Variants in RAB40B observed in about 807,000 individuals in gnomAD.
The protein encoded by RAB40B is ras-related protein Rab-40B.
In RAB40B, 21 loss-of-function variants were observed where a neutral mutation model predicts 24.0. The observed-to-expected ratio is 0.88, with a 90% confidence interval of 0.62 to 1.26. RAB40B has a LOEUF of 1.26. Among genes scored for constraint, RAB40B ranks in the 50% most tolerant of loss-of-function variants. The pLI is 0.00. For synonymous variants in RAB40B, 167 were observed against 169.8 expected, an observed-to-expected ratio of 0.98 and a Z score of 0.13; for missense variants, 348 against 390.5, an observed-to-expected ratio of 0.89 and a Z score of 0.92.
Position 82,663,377 on chromosome 17 carries a change from G to C in RAB40B, c.203+1119C>G, listed in dbSNP as rs62079743. On this transcript the variant is annotated intron_variant, in intron 2 of 5. Transcript: ENST00000571995. The surrounding 1 kb of genome is among the most constrained non-coding windows in gnomAD (Gnocchi z 6.2). ...ACCCAGGAGTGGCAGCAGTGCAGGA[G>C]GGATGCCCAAGAGGGAGGCAGCCCC... 0.032 allele frequency among the ~76,000 whole-genome samples: 4,826 copies of C among 152,206 alleles called. 91 individuals carry two copies. The highest frequency in any genetic ancestry group is 0.048 in the Middle Eastern group (14 of 294).
At chr17:82,693,781 C>T (rs1184291470) in intron 1 of RAB40B, among the ~76,000 whole-genome samples, 2 of 152,044 alleles carry the variant, frequency 1.3e-5, no homozygotes, top group African/African-American at 2.4e-5. Context: ...GCCAGAGACA[C>T]AGTCACAGAA....
chr17:82,662,349 G>A, intron 2 of RAB40B: 1 of 985,504 alleles, frequency 1.0e-6, no homozygotes, highest in South Asian at 4.7e-5. Context: ...CAGCGGGCCA[G>A]GTCAATCTGC....
At chr17:82,678,297 C>T (rs2046414711) in intron 1 of RAB40B, among the ~76,000 whole-genome samples, 1 of 152,166 alleles carries the variant, frequency 6.6e-6, no homozygotes, top group South Asian at 2.1e-4. Flanking sequence ...AGCTGATTAA[C>T]TTACCATGTA....
chr17:82,664,522 G>T lies in RAB40B; in HGVS notation c.177C>A (p.Asp59Glu), dbSNP rs137963946. ...IDYKTTTILLDGRRVKLQLWD... is the reference protein window; with the variant it reads ...IDYKTTTILLEGRRVKLQLWD... ...AGAGCTGCAGCTTCACCCGCCGCCC[G>T]TCCAGCAGGATGGTGGTCGTCTTGT... The change falls in exon 2 of 6, where the codon GAC becomes GAA. Residue 59 changes from aspartate (D) to glutamate (E), a missense_variant. Coordinates refer to ENST00000571995, the MANE Select transcript of RAB40B (RefSeq NM_006822.3). The T allele has an allele frequency of 6.2e-7, 1 of 1,613,544 alleles. No individual in the cohort carries two copies. The highest frequency in any genetic ancestry group is 1.7e-5 in the Admixed American group (1 of 59,996).
intron 1 of RAB40B, among the ~76,000 whole-genome samples, chr17:82,677,098 G>A (rs531740157): frequency 4.6e-5 from 7 of 151,586 alleles, no homozygotes; most frequent in East Asian, 3.9e-4. Context: ...ACAGGCGCCC[G>A]CCACCACGCC....
rs2046116626 is a variant in RAB40B, at chr17:82,658,533, G to A, written c.523C>T (p.Leu175=). 2 of 1,612,996 alleles carry A rather than the reference G, an allele frequency of 1.2e-6. No homozygotes were observed. Among genetic ancestry groups the A allele is most frequent in the Non-Finnish European group, 1.7e-6 (2 of 1,179,966 alleles). Residue 175 remains leucine, a synonymous_variant, in exon 5 of 6, where the codon CTG becomes TTG. Coordinates refer to ENST00000571995, the MANE Select transcript of RAB40B (RefSeq NM_006822.3). The part of the protein sequence containing the change: ...ESFTELARIV[L]LRHGMDRLWR... ...AGCCGGTCCATCCCATGCCGCAGCAGCACGATCCTGGCCAGCTCCGTGAAC... is the reference window on the plus strand; with the variant it reads ...AGCCGGTCCATCCCATGCCGCAGCAACACGATCCTGGCCAGCTCCGTGAAC...
intron 1 of RAB40B, among the ~76,000 whole-genome samples, chr17:82,691,537 A>C (rs760690989): frequency 6.6e-6 from 1 of 151,966 alleles, no homozygotes; most frequent in Non-Finnish European, 1.5e-5. Context: ...AAATACAAAA[A>C]TTAGCCGGGC....
chr17:82,661,097 A>T (rs376996242), intron 2 of RAB40B, 50 bp from the exon 3 acceptor site: 2 of 1,601,546 alleles, frequency 1.2e-6, no homozygotes, highest in Non-Finnish European at 8.5e-7. Context: ...CTTCTTCCTG[A>T]CAACAGGTTC....
At position 82,663,662 on chromosome 17, in the gene RAB40B, C is replaced by CA. The variant is rs1435472533; in HGVS notation, c.203+833dup. On this transcript the variant is annotated intron_variant, in intron 2 of 5. Coordinates refer to ENST00000571995, the MANE Select transcript of RAB40B (RefSeq NM_006822.3). The surrounding 1 kb of genome is among the most constrained non-coding windows in gnomAD (Gnocchi z 6.2). ...TCCCCACGTCTGGGTCCTCCACCCGCAGGCCCGACCACAGCCCCGCTGGCA... is the reference window on the plus strand; with the variant it reads ...TCCCCACGTCTGGGTCCTCCACCCGCAAGGCCCGACCACAGCCCCGCTGGCA... 1.3e-5 allele frequency among the ~76,000 whole-genome samples: 2 copies of CA among 152,098 alleles called. No individual in the cohort carries two copies. The highest frequency in any genetic ancestry group is 3.9e-4 in the East Asian group (2 of 5,178).
At chr17:82,674,293 C>T (rs561127001) in intron 1 of RAB40B, among the ~76,000 whole-genome samples, 17 of 149,886 alleles carry the variant, frequency 1.1e-4, no homozygotes, top group African/African-American at 3.5e-4. Context: ...GAGCCAAGAT[C>T]GCGCCATTGC....
At chr17:82,684,336 G>A (rs753856762) in intron 1 of RAB40B, among the ~76,000 whole-genome samples, 3 of 152,068 alleles carry the variant, frequency 2.0e-5, no homozygotes, top group Non-Finnish European at 2.9e-5. Context: ...CACTGCTGAC[G>A]GGGATGCAAA....
intron 1 of RAB40B, among the ~76,000 whole-genome samples, chr17:82,686,135 C>G (rs1298953828): frequency 7.8e-6 from 1 of 127,478 alleles, no homozygotes. Context: ...GACAAAGTCT[C>G]ACTCTGTCAT....
chr17:82,661,374 A>C, intron 2 of RAB40B: 2 of 816,590 alleles, frequency 2.4e-6, no homozygotes, highest in South Asian at 3.4e-5. Flanking sequence ...CTATGCAGTA[A>C]GGAGTGTGGG....
At position 82,660,997 on chromosome 17, in the gene RAB40B, C is replaced by A; in HGVS notation, c.254G>T (p.Arg85Leu). 6.2e-7 allele frequency: 1 copy of A among 1,613,972 alleles called. No individual in the cohort carries two copies. Among genetic ancestry groups the A allele is most frequent in the Non-Finnish European group, 8.5e-7 (1 of 1,179,968 alleles). ...GGGATGCTGTGTTACCTGTGCGCCCCGGGAGTAGGAGCGGAATATGGTACA... is the reference window on the plus strand; with the variant it reads ...GGGATGCTGTGTTACCTGTGCGCCCAGGGAGTAGGAGCGGAATATGGTACA... ...RFCTIFRSYSRGAQGVILVYD... is the reference protein window; with the variant it reads ...RFCTIFRSYSLGAQGVILVYD... The change falls in exon 3 of 6, where the codon CGG becomes CTG. Residue 85 changes from arginine (R) to leucine (L), a missense_variant. By Grantham distance (102) the Arg-to-Leu change is moderately radical. This residue lies in a region of RAB40B where 126 missense variants were observed against 181.0 expected (regional missense o/e 0.70). Transcript: ENST00000571995.
At chr17:82,659,919 G>T (rs143263318) in intron 3 of RAB40B, among the ~76,000 whole-genome samples, 1 of 152,218 alleles carries the variant, frequency 6.6e-6, no homozygotes, top group Non-Finnish European at 1.5e-5. Context: ...AGGATGCAGG[G>T]GCACCGCAGT....
At position 82,683,788 on chromosome 17, in the gene RAB40B, G is replaced by C. The variant is rs553660002; in HGVS notation, c.142+14667C>G. Among the ~76,000 whole-genome samples, 8 of 120,574 alleles carry C rather than the reference G, an allele frequency of 6.6e-5. No homozygotes were observed. In the South Asian group the frequency reaches 2.0e-3, roughly 31 times the overall value. 79.1% of individuals were successfully genotyped at this position (120,574 alleles called of 152,430 possible). ...CCACTGCACTCCAGCCTGGGCAACA[G>C]AGCAAGACCCTGTTTCCAAAAAAAA... On this transcript the variant is annotated intron_variant, in intron 1 of 5. Coordinates refer to ENST00000571995, the MANE Select transcript of RAB40B (RefSeq NM_006822.3).
intron 1 of RAB40B, among the ~76,000 whole-genome samples, chr17:82,682,026 A>C (rs1261135586): frequency 6.6e-6 from 1 of 152,132 alleles, no homozygotes; most frequent in Non-Finnish European, 1.5e-5. Context: ...TGGAAGTTAT[A>C]ACCAGGGCAA....
intron 2 of RAB40B, chr17:82,662,481 G>A: frequency 1.0e-6 from 1 of 984,698 alleles, no homozygotes; most frequent in Non-Finnish European, 1.2e-6. Context: ...CACCCTGAAG[G>A]AGCAGAGCAG....
In RAB40B at chr17:82,658,502, C is replaced by T. The variant is rs199886901; in HGVS notation, c.554G>A (p.Arg185Gln). 4.2e-4 allele frequency: 680 copies of T among 1,611,884 alleles called. 1 individual carries two copies. Among genetic ancestry groups the T allele is most frequent in the Admixed American group, 6.7e-4 (40 of 60,004 alleles). Reference sequence around the variant, plus strand: ...GCCCCTGGGCCTACCCTTGCTCGGCCGCCAGAGCCGGTCCATCCCATGCCG... The same window carrying T: ...GCCCCTGGGCCTACCCTTGCTCGGCTGCCAGAGCCGGTCCATCCCATGCCG... ...LLRHGMDRLW[R>Q]PSKVLSLQDL... is the part of the protein sequence containing the mutation. The change falls in exon 5 of 6, where the codon CGG becomes CAG. Residue 185 changes from arginine (R) to glutamine (Q), a missense_variant. By Grantham distance (43) the Arg-to-Gln change is conservative (BLOSUM62 1). Transcript: ENST00000571995.
Sources: allele counts gnomAD v4.1 joint callset (sites outside exome capture counted in the v4.1 genomes callset), GRCh38; gene constraint gnomAD v4.1.1; regional missense constraint gnomAD v4.1.1; non-coding constraint Gnocchi (gnomAD v3.1); transcripts MANE v1.5; gene names NCBI Gene and HGNC (gene_info 2026-07-23, HGNC 2026-07-21).